ATP7B: variants seen among roughly 807,000 people sequenced by gnomAD.
The protein encoded by ATP7B is ATPase copper transporting beta.
In ATP7B, 113 loss-of-function variants were observed where a neutral mutation model predicts 118.9. The ratio of observed to expected loss-of-function variants is 0.95; its 90% CI spans 0.82 to 1.11. The LOEUF is 1.11. Among genes scored for constraint, ATP7B ranks in the 50% most tolerant of loss-of-function variants. The probability of loss-of-function intolerance (pLI) is 0.00; values close to 1 mark genes in which losing one functional copy is unlikely to be tolerated. For synonymous variants in ATP7B, 777 were observed against 727.4 expected, an observed-to-expected ratio of 1.07 and a Z score of -1.10; for missense variants, 1,867 against 1,871.4, an observed-to-expected ratio of 1.00 and a Z score of 0.04.
chr13:51,959,508 C>CAAAAAA (rs1164449623), intron 7 of ATP7B: 1 of 58,276 alleles, frequency 1.7e-5, no homozygotes. Context: ...GACCCTGTCT[C>CAAAAAA]AAAAAAAAAA....
chr13:51,995,883 C>G (rs2140437194), intron 1 of ATP7B, among the ~76,000 whole-genome samples: 1 of 152,360 alleles, frequency 6.6e-6, no homozygotes, highest in Non-Finnish European at 1.5e-5. Context: ...CCAGTGCACA[C>G]TGGACACCCG....
intron 6 of ATP7B, among the ~76,000 whole-genome samples, chr13:51,961,398 C>T (rs941336148): frequency 4.6e-5 from 7 of 152,016 alleles, no homozygotes; most frequent in Admixed American, 4.6e-4. Context: ...TTCCACTCAG[C>T]CATTATGCCT....
chr13:52,000,388 G>A (rs1163076671), intron 1 of ATP7B, among the ~76,000 whole-genome samples: 1 of 152,126 alleles, frequency 6.6e-6, no homozygotes, highest in South Asian at 2.1e-4. Context: ...AATCCCATTC[G>A]AGAAGGCAGA....
At chr13:51,989,061 A>T (rs553538528) in intron 1 of ATP7B, among the ~76,000 whole-genome samples, 3 of 152,240 alleles carry the variant, frequency 2.0e-5, no homozygotes, top group South Asian at 2.1e-4. Flanking sequence ...ATAATTTTTT[A>T]AAAAAAGATT....
rs552462873 is a variant in ATP7B at position 51,955,418 on chromosome 13, A to G, written c.2447+2098T>C. Among the ~76,000 whole-genome samples, 6 of 152,340 alleles carry G rather than the reference A, an allele frequency of 3.9e-5. No homozygotes were observed. In the East Asian group the frequency reaches 1.2e-3, roughly 29 times the overall value. On this transcript the variant is annotated intron_variant, in intron 9 of 20. Coordinates refer to ENST00000242839, the MANE Select transcript of ATP7B (RefSeq NM_000053.4). ...CACCCAAACAGTGAGCCAAAGGCAG[A>G]ATGAACTCTGGTCTTCTGGCCCCTA...
intron 4 of ATP7B, among the ~76,000 whole-genome samples, 176 bp from the exon 5 acceptor site, chr13:51,965,209 C>A (rs750350228): frequency 2.0e-5 from 3 of 152,174 alleles, no homozygotes; most frequent in African/African-American, 7.2e-5. Flanking sequence ...GTTCCTCCAG[C>A]GGCTTCAGGG....
intron 13 of ATP7B, among the ~76,000 whole-genome samples, 160 bp from the exon 14 acceptor site, chr13:51,944,451 A>T (rs774498518): frequency 9.1e-4 from 138 of 152,310 alleles, no homozygotes; most frequent in Non-Finnish European, 1.8e-3. Flanking sequence ...TCAGGGTTCA[A>T]CAACTCCCAC....
intron 9 of ATP7B, 113 bp downstream of exon 9, chr13:51,957,401 GTC>G (rs1296221498): frequency 9.4e-7 from 1 of 1,061,552 alleles, no homozygotes; most frequent in Middle Eastern, 2.0e-4. Context: ...ATCTTACTGT[GTC>G]TCTGCCCACA....
intron 1 of ATP7B, 39 bp downstream of exon 1, chr13:52,011,248 A>G: frequency 6.2e-7 from 1 of 1,614,070 alleles, no homozygotes; most frequent in Non-Finnish European, 8.5e-7. Flanking sequence ...TCCTGGTGGG[A>G]GTGAGCACGC....
chr13:51,978,557 A>G (rs1008168605), intron 1 of ATP7B, among the ~76,000 whole-genome samples: 1 of 152,236 alleles, frequency 6.6e-6, no homozygotes, highest in African/African-American at 2.4e-5. Flanking sequence ...AAAGCATGCC[A>G]TGGAGATATT....
Position 51,968,437 on chromosome 13 carries a change from T to C in ATP7B, c.1707+7A>G, listed in dbSNP as rs766815919. On this transcript the variant is annotated splice_region_variant and intron_variant, in intron 4 of 20. Coordinates refer to ENST00000242839, the MANE Select transcript of ATP7B (RefSeq NM_000053.4). Reference sequence around the variant, plus strand: ...CTGTAACCCCGTAACGCACCCACAGTACTTACTGTCAGCTCAATGTTGCCA... The same window carrying C: ...CTGTAACCCCGTAACGCACCCACAGCACTTACTGTCAGCTCAATGTTGCCA... 1.9e-6 allele frequency: 3 copies of C among 1,614,200 alleles called. No homozygotes were observed. In the South Asian group the frequency reaches 3.3e-5, roughly 18 times the overall value.
At chr13:52,010,229 G>T (rs1593889176) in intron 1 of ATP7B, among the ~76,000 whole-genome samples, 1 of 152,234 alleles carries the variant, frequency 6.6e-6, no homozygotes. Flanking sequence ...CTCTCTGTCT[G>T]TCCACTAATC....
chr13:51,953,825 T>C (rs1958158463), intron 9 of ATP7B, among the ~76,000 whole-genome samples: 1 of 125,336 alleles, frequency 8.0e-6, no homozygotes, highest in Non-Finnish European at 1.7e-5. Flanking sequence ...CTAGATATGA[T>C]TTGTAATTTG....
chr13:51,958,667 C>T (rs562837824), intron 7 of ATP7B, 123 bp from the exon 8 acceptor site: 11 of 820,128 alleles, frequency 1.3e-5, no homozygotes, highest in Non-Finnish European at 2.3e-5. Context: ...GACAGTACTT[C>T]TTCCTCTGTG....
At chr13:51,992,926 C>A (rs1370147839) in intron 1 of ATP7B, among the ~76,000 whole-genome samples, 1 of 122,790 alleles carries the variant, frequency 8.1e-6, no homozygotes, top group East Asian at 2.7e-4. Context: ...TGCAGTGAGC[C>A]AAGATTACGC....
chr13:51,934,861 G>A lies in ATP7B; in HGVS notation c.4293C>T (p.Ser1431=). 1 of 1,614,216 alleles carries A rather than the reference G, an allele frequency of 6.2e-7. No individual in the cohort carries two copies. Among genetic ancestry groups the A allele is most frequent in the Non-Finnish European group, 8.5e-7 (1 of 1,180,048 alleles). ...GAGATGGCTTGTCGGACGTCAGGGA[G>A]GACAGCGACACCTGGCTGACATAGC... ...QVSYVSQVSL[S]SLTSDKPSRH... Residue 1431 remains serine (S), a synonymous_variant, in exon 21 of 21, where the codon TCC becomes TCT. Coordinates refer to ENST00000242839, the MANE Select transcript of ATP7B (RefSeq NM_000053.4).
chr13:52,003,726 C>A (rs972827657), intron 1 of ATP7B, among the ~76,000 whole-genome samples: 3 of 152,170 alleles, frequency 2.0e-5, no homozygotes, highest in African/African-American at 7.2e-5. Flanking sequence ...ACAGGCCATG[C>A]GGGGCTTGCG....
At chr13:51,976,320 C>T (rs1952117094) in intron 1 of ATP7B, among the ~76,000 whole-genome samples, 2 of 152,196 alleles carry the variant, frequency 1.3e-5, no homozygotes, top group Non-Finnish European at 2.9e-5. Flanking sequence ...ACCTTGCCAA[C>T]CGGCTTTTGA....
chr13:52,011,740 G>A (rs1954045971), upstream of ATP7B, among the ~76,000 whole-genome samples: 1 of 152,236 alleles, frequency 6.6e-6, no homozygotes, highest in Non-Finnish European at 1.5e-5. Context: ...GGCGCCGCAG[G>A]GCGGAGGCCT....
Sources: allele counts gnomAD v4.1 joint callset (sites outside exome capture counted in the v4.1 genomes callset), GRCh38; gene constraint gnomAD v4.1.1; transcripts MANE v1.5; gene names NCBI Gene and HGNC (gene_info 2026-07-23, HGNC 2026-07-21).